Variants in LRRC49 observed in about 807,000 individuals in gnomAD.
LRRC49 encodes leucine rich repeat containing 49.
LRRC49 carries 50 observed loss-of-function variants against 83.3 expected under a neutral mutation model. The ratio of observed to expected loss-of-function variants is 0.60; its 90% CI spans 0.48 to 0.76. The LOEUF (loss-of-function observed/expected upper bound fraction) is 0.76. LRRC49 is among the 30% of genes least tolerant of loss of function. The probability of loss-of-function intolerance (pLI) is 0.00; values close to 1 mark genes in which losing one functional copy is unlikely to be tolerated. For synonymous variants in LRRC49, 286 were observed against 283.3 expected (o/e 1.01, Z -0.10); for missense variants, 704 against 809.1 (o/e 0.87, Z 1.58).
intron 11 of LRRC49, among the ~76,000 whole-genome samples, chr15:70,990,209 T>A (rs1456945423): frequency 6.6e-6 from 1 of 152,160 alleles, no homozygotes; most frequent in Non-Finnish European, 1.5e-5. Flanking sequence ...CTGCTGTCTT[T>A]TTGTTTGTCT....
chr15:70,893,085 T>C (rs2033658241), intron 1 of LRRC49, 143 bp downstream of exon 1: 1 of 906,026 alleles, frequency 1.1e-6, no homozygotes. Context: ...TTGAGGTTCG[T>C]GGGCTGGACC....
At chr15:70,902,399 G>C (rs2034120458) in intron 4 of LRRC49, 1 of 152,158 alleles carries the variant, frequency 6.6e-6, no homozygotes, top group Admixed American at 6.5e-5. Flanking sequence ...CTTTGATCAG[G>C]CAGAGACTTG....
intron 14 of LRRC49, among the ~76,000 whole-genome samples, chr15:71,023,944 G>C (rs1364423522): frequency 6.6e-6 from 1 of 152,182 alleles, no homozygotes; most frequent in African/African-American, 2.4e-5. Context: ...CTTCCCAGGG[G>C]AGGGGCAGAT....
At chr15:71,032,592 C>G (rs1210906215) in intron 14 of LRRC49, among the ~76,000 whole-genome samples, 1 of 152,132 alleles carries the variant, frequency 6.6e-6, no homozygotes, top group African/African-American at 2.4e-5. Flanking sequence ...CCCTGATGAT[C>G]ATTAATACAA....
rs995333826 is a variant in LRRC49 at position 70,946,359 on chromosome 15, T to C, written c.773+9537T>C. 1.6e-4 allele frequency among the ~76,000 whole-genome samples: 24 copies of C among 152,310 alleles called. No individual in the cohort carries two copies. In the East Asian group the frequency reaches 4.4e-3, roughly 28 times the overall value. On this transcript the variant is annotated intron_variant, in intron 8 of 15. Transcript: ENST00000260382. ...CATGTTGTATTTGTTTTTCTGTGCC[T>C]GGCTTATTTCACTTAGCATAATATC...
intron 14 of LRRC49, among the ~76,000 whole-genome samples, chr15:71,013,698 G>A (rs1443377714): frequency 6.6e-6 from 1 of 152,202 alleles, no homozygotes; most frequent in Non-Finnish European, 1.5e-5. Context: ...GATCATACAA[G>A]TCACTCTGGT....
chr15:70,921,420 G>A (rs1012218371), intron 7 of LRRC49, among the ~76,000 whole-genome samples: 4 of 152,172 alleles, frequency 2.6e-5, no homozygotes. Flanking sequence ...GATTTCTTTA[G>A]CCAGATGCTC....
intron 2 of LRRC49, among the ~76,000 whole-genome samples, chr15:70,887,129 A>AT (rs1263929235): frequency 6.6e-6 from 1 of 152,208 alleles, no homozygotes; most frequent in African/African-American, 2.4e-5. Flanking sequence ...TGAATCCATC[A>AT]TAAAAAACCT....
intron 3 of LRRC49, among the ~76,000 whole-genome samples, chr15:70,896,694 C>T (rs1336299174): frequency 6.6e-6 from 1 of 152,148 alleles, no homozygotes; most frequent in Non-Finnish European, 1.5e-5. Context: ...ACAAAACTGC[C>T]TCTACCTCTT....
intron 8 of LRRC49, among the ~76,000 whole-genome samples, chr15:70,945,519 CTGTGTGTGTGTGTGTG>C (rs749607668): frequency 1.5e-4 from 21 of 135,796 alleles, no homozygotes; most frequent in Non-Finnish European, 2.5e-4. Flanking sequence ...ATTTAACAAC[CTGTGTGTGTGTGTGTG>C]TGTGTGTGTG....
chr15:71,019,170 T>A (rs1392051473), intron 14 of LRRC49, among the ~76,000 whole-genome samples: 5 of 152,120 alleles, frequency 3.3e-5, no homozygotes, highest in Non-Finnish European at 7.3e-5. Flanking sequence ...TGGCTATTGG[T>A]AATCAAGTCA....
chr15:70,983,313 A>G (rs1377800290), intron 10 of LRRC49, among the ~76,000 whole-genome samples: 1 of 152,144 alleles, frequency 6.6e-6, no homozygotes, highest in Non-Finnish European at 1.5e-5. Context: ...AGTGGTTCTC[A>G]AAGTGAGGTT....
intron 13 of LRRC49, among the ~76,000 whole-genome samples, chr15:71,010,674 T>C (rs1293911914): frequency 6.6e-6 from 1 of 151,984 alleles, no homozygotes; most frequent in African/African-American, 2.4e-5. Flanking sequence ...AAGTTATTTT[T>C]AGATTGATTC....
At chr15:70,994,639 T>G (rs1012706325) in intron 11 of LRRC49, among the ~76,000 whole-genome samples, 14 of 152,118 alleles carry the variant, frequency 9.2e-5, no homozygotes, top group Non-Finnish European at 2.9e-5. Flanking sequence ...TATGTCCAGC[T>G]AATTTTTGTA....
intron 9 of LRRC49, among the ~76,000 whole-genome samples, chr15:70,966,479 C>T (rs1013893573): frequency 1.3e-5 from 2 of 152,074 alleles, no homozygotes; most frequent in Non-Finnish European, 2.9e-5. Flanking sequence ...TTGCCAAAAT[C>T]AGTATCGAAC....
At chr15:70,934,603 A>G (rs1025535754) in intron 7 of LRRC49, among the ~76,000 whole-genome samples, 3 of 152,240 alleles carry the variant, frequency 2.0e-5, no homozygotes, top group African/African-American at 7.2e-5. Flanking sequence ...TTTGTCAAAT[A>G]AACTTAAAAA....
chr15:70,931,906 G>A (rs575978224), intron 7 of LRRC49, among the ~76,000 whole-genome samples: 4 of 152,144 alleles, frequency 2.6e-5, no homozygotes, highest in Non-Finnish European at 5.9e-5. Flanking sequence ...TGTTTGTGAT[G>A]TAAGTTTGAA....
intron 7 of LRRC49, among the ~76,000 whole-genome samples, chr15:70,933,766 G>T (rs2035498920): frequency 6.6e-6 from 1 of 152,188 alleles, no homozygotes; most frequent in Admixed American, 6.5e-5. Context: ...CAATGCAGGG[G>T]CTTAATGAAA....
chr15:70,897,947 A>T (rs1446237757), intron 3 of LRRC49, among the ~76,000 whole-genome samples: 2 of 152,186 alleles, frequency 1.3e-5, no homozygotes, highest in Non-Finnish European at 2.9e-5. Flanking sequence ...GTAGAAGGGA[A>T]GAGGCAATAC....
Sources: allele counts gnomAD v4.1 joint callset (sites outside exome capture counted in the v4.1 genomes callset), GRCh38; gene constraint gnomAD v4.1.1; transcripts MANE v1.5; gene names NCBI Gene and HGNC (gene_info 2026-07-23, HGNC 2026-07-21).